LRP1B: variants seen among roughly 807,000 people sequenced by gnomAD.
The protein encoded by LRP1B is LDL receptor related protein 1B, also known as low-density lipoprotein receptor-related protein 1B.
A neutral mutation model predicts 556.6 loss-of-function variants in LRP1B; 217 were observed. That is an observed-to-expected ratio of 0.39 (90% CI 0.35 to 0.44). The LOEUF (loss-of-function observed/expected upper bound fraction) is 0.44. Among genes scored for constraint, LRP1B ranks in the 20% least tolerant of loss-of-function variants. LRP1B has a pLI of 1.00. For synonymous variants in LRP1B, 2,047 were observed against 1,865.8 expected, an observed-to-expected ratio of 1.10 and a Z score of -2.50; for missense variants, 5,053 against 5,620.8, an observed-to-expected ratio of 0.90 and a Z score of 3.23.
chr2:140,401,966 T>A lies in LRP1B; in HGVS notation c.10415-15957A>T, dbSNP rs1048454307. Among the ~76,000 whole-genome samples, 8 of 152,166 alleles carry A rather than the reference T, an allele frequency of 5.3e-5. No individual in the cohort carries two copies. The East Asian group carries it at 1.2e-3, about 22-fold the overall frequency. On this transcript the variant is annotated intron_variant, in intron 66 of 90. Transcript: ENST00000389484. ...ACTAAGGAAGCTCACAGAGTCTACA[T>A]CAATCCCCTGCCACCCCTATCACAG...
intron 1 of LRP1B, among the ~76,000 whole-genome samples, chr2:141,976,017 G>A (rs1342814037): frequency 6.6e-6 from 1 of 151,760 alleles, no homozygotes; most frequent in East Asian, 1.9e-4. Flanking sequence ...CTAATATAAT[G>A]GACTATAAAA....
chr2:141,915,881 A>C (rs1226750502), intron 1 of LRP1B, among the ~76,000 whole-genome samples: 2 of 152,224 alleles, frequency 1.3e-5, no homozygotes, highest in African/African-American at 2.4e-5. Context: ...TCAATGAGAT[A>C]TCATCTCACA....
chr2:141,325,603 A>C (rs1409513354), intron 3 of LRP1B, among the ~76,000 whole-genome samples: 1 of 152,026 alleles, frequency 6.6e-6, no homozygotes, highest in African/African-American at 2.4e-5. Context: ...TTTTCCTTCT[A>C]ATCTAGGTAA....
intron 3 of LRP1B, among the ~76,000 whole-genome samples, chr2:141,463,900 C>A (rs1682051604): frequency 6.8e-6 from 1 of 147,876 alleles, no homozygotes; most frequent in Admixed American, 6.8e-5. Flanking sequence ...AGATATATCT[C>A]AAATTTTTTC....
At chr2:141,776,479 G>T (rs938347940) in intron 2 of LRP1B, among the ~76,000 whole-genome samples, 4 of 152,082 alleles carry the variant, frequency 2.6e-5, no homozygotes, top group Admixed American at 6.5e-5. Context: ...GTTATTCCAT[G>T]GCCTCATTAA....
intron 1 of LRP1B, among the ~76,000 whole-genome samples, chr2:142,091,847 T>A (rs1203868449): frequency 6.6e-6 from 1 of 152,204 alleles, no homozygotes; most frequent in Admixed American, 6.5e-5. Context: ...TTTTGATCAA[T>A]GGAATATTAG....
At chr2:140,874,573 C>T (rs1312762580) in intron 25 of LRP1B, among the ~76,000 whole-genome samples, 1 of 151,798 alleles carries the variant, frequency 6.6e-6, no homozygotes, top group African/African-American at 2.4e-5. Context: ...ACTCCTATGT[C>T]ATTATTATTA....
At chr2:141,298,206 A>G (rs969307668) in intron 3 of LRP1B, among the ~76,000 whole-genome samples, 2 of 152,198 alleles carry the variant, frequency 1.3e-5, no homozygotes, top group Non-Finnish European at 2.9e-5. Context: ...ACAAATGACT[A>G]TAGAAAGTGT....
chr2:141,627,207 A>G (rs1157426720), intron 2 of LRP1B, among the ~76,000 whole-genome samples: 3 of 152,212 alleles, frequency 2.0e-5, no homozygotes, highest in Non-Finnish European at 4.4e-5. Context: ...AAGGCTACAT[A>G]CTGTTGATTC....
At chr2:141,307,754 T>C (rs1686649753) in intron 3 of LRP1B, among the ~76,000 whole-genome samples, 2 of 152,078 alleles carry the variant, frequency 1.3e-5, no homozygotes, top group Admixed American at 6.6e-5. Flanking sequence ...GAGCAGCATA[T>C]GGTGGCACTG....
At chr2:141,022,697 CCAAA>C (rs1178883448) in intron 11 of LRP1B, among the ~76,000 whole-genome samples, 3 of 151,880 alleles carry the variant, frequency 2.0e-5, no homozygotes, top group Non-Finnish European at 2.9e-5. Flanking sequence ...CATTCAAAGG[CCAAA>C]CAAACATCAG....
chr2:141,427,732 A>G (rs920084544), intron 3 of LRP1B, among the ~76,000 whole-genome samples: 2 of 152,302 alleles, frequency 1.3e-5, no homozygotes, highest in Admixed American at 1.3e-4. Context: ...CAAATTAGCC[A>G]TAATTAAAAA....
At chr2:140,609,290 A>G (rs915864681) in intron 41 of LRP1B, among the ~76,000 whole-genome samples, 2 of 152,194 alleles carry the variant, frequency 1.3e-5, no homozygotes, top group African/African-American at 4.8e-5. Context: ...ATAAATCTTC[A>G]GCTGAAAGCT....
chr2:141,122,611 G>T (rs894473563), intron 7 of LRP1B, among the ~76,000 whole-genome samples: 8 of 151,950 alleles, frequency 5.3e-5, no homozygotes, highest in Non-Finnish European at 1.5e-5. Flanking sequence ...CAGGTGCTGG[G>T]GAGGATGTGG....
intron 82 of LRP1B, among the ~76,000 whole-genome samples, chr2:140,321,427 GATAATTATC>G (rs1186980364): frequency 3.5e-5 from 4 of 113,030 alleles, no homozygotes; most frequent in African/African-American, 7.8e-5. Flanking sequence ...TAATTATTAT[GATAATTATC>G]ATAATTATCA....
intron 7 of LRP1B, among the ~76,000 whole-genome samples, chr2:141,169,321 A>C (rs1680397126): frequency 6.7e-6 from 1 of 149,622 alleles, no homozygotes; most frequent in African/African-American, 2.5e-5. Flanking sequence ...TAAATAAATA[A>C]ATAAATAAAT....
At chr2:142,019,887 C>T (rs1486215174) in intron 1 of LRP1B, among the ~76,000 whole-genome samples, 1 of 152,160 alleles carries the variant, frequency 6.6e-6, no homozygotes, top group Non-Finnish European at 1.5e-5. Context: ...CAGATGTCAC[C>T]TTTTCAGTGA....
At chr2:141,226,317 G>C (rs1023577821) in intron 6 of LRP1B, among the ~76,000 whole-genome samples, 1 of 152,060 alleles carries the variant, frequency 6.6e-6, no homozygotes, top group Admixed American at 6.6e-5. Flanking sequence ...GAGTAAAAAT[G>C]CCATCTATTA....
intron 41 of LRP1B, among the ~76,000 whole-genome samples, chr2:140,672,333 A>T (rs1685513896): frequency 6.6e-6 from 1 of 152,026 alleles, no homozygotes; most frequent in Non-Finnish European, 1.5e-5. Context: ...AAAATACTAA[A>T]ATTAGCTGGG....
Sources: allele counts gnomAD v4.1 joint callset (sites outside exome capture counted in the v4.1 genomes callset), GRCh38; gene constraint gnomAD v4.1.1; transcripts MANE v1.5; gene names NCBI Gene and HGNC (gene_info 2026-07-23, HGNC 2026-07-21).